The following BCL11B variants were observed in gnomAD, a reference collection of about 807,000 sequenced individuals.
The protein encoded by BCL11B is B-cell lymphoma/leukemia 11B.
BCL11B carries 8 observed loss-of-function variants against 49.9 expected under a neutral mutation model. The ratio of observed to expected loss-of-function variants is 0.16; its 90% CI spans 0.09 to 0.29. The LOEUF (loss-of-function observed/expected upper bound fraction) is 0.29. Ranked by LOEUF, BCL11B falls within the 10% of genes least tolerant of loss-of-function variation. The pLI is 1.00. For missense variants in BCL11B, 1,006 were observed against 1,351.0 expected, an observed-to-expected ratio of 0.74 and a Z score of 4.00; for synonymous variants, 739 against 637.4, an observed-to-expected ratio of 1.16 and a Z score of -2.40.
intron 2 of BCL11B, among the ~76,000 whole-genome samples, chr14:99,245,415 C>A (rs79680337): frequency 4.6e-5 from 7 of 152,366 alleles, no homozygotes; most frequent in African/African-American, 1.7e-4. Context: ...TTCTCCCACT[C>A]GGAAAGAAAC....
At chr14:99,191,114 A>T (rs1027196790) in intron 3 of BCL11B, among the ~76,000 whole-genome samples, 1 of 152,192 alleles carries the variant, frequency 6.6e-6, no homozygotes, top group African/African-American at 2.4e-5. Flanking sequence ...AGAAAAAAAC[A>T]GCCTAGGACA....
chr14:99,265,717 T>C (rs935482429), intron 1 of BCL11B, among the ~76,000 whole-genome samples: 3 of 152,214 alleles, frequency 2.0e-5, no homozygotes, highest in South Asian at 2.1e-4. Context: ...AAACATTAAA[T>C]GAAGTAGAGA....
In BCL11B at chr14:99,192,182, G is replaced by A. The variant is rs368132852; in HGVS notation, c.641-15987C>T. ...TGCAGCAGTGCTGGCTCCACTGGAC[G>A]GAATGCGTGTGTTTTGCTTGGCGGC... On this transcript the variant is annotated intron_variant, in intron 3 of 3. Transcript: ENST00000357195. The surrounding 1 kb of genome is among the most constrained non-coding windows in gnomAD (Gnocchi z 4.0). Among the ~76,000 whole-genome samples the A allele has an allele frequency of 5.3e-5, 8 of 152,166 alleles. No homozygotes were observed. The highest frequency in any genetic ancestry group is 3.9e-4 in the East Asian group (2 of 5,190).
intron 3 of BCL11B, among the ~76,000 whole-genome samples, chr14:99,223,935 G>A (rs1211862687): frequency 6.6e-6 from 1 of 152,190 alleles, no homozygotes; most frequent in East Asian, 1.9e-4. Context: ...TTTTCAAACA[G>A]AGAAAGGCGC....
At chr14:99,221,501 T>G (rs1271350516) in intron 3 of BCL11B, among the ~76,000 whole-genome samples, 2 of 152,236 alleles carry the variant, frequency 1.3e-5, no homozygotes, top group African/African-American at 4.8e-5. Context: ...GCTGGCCCAG[T>G]GGCAGCTCTG....
At position 99,171,633 on chromosome 14, in the gene BCL11B, A is replaced by G. The variant is rs559644108; in HGVS notation, c.*2518T>C. 4.9e-4 allele frequency: 104 copies of G among 210,716 alleles called. No homozygotes were observed. Among genetic ancestry groups the G allele is most frequent in the African/African-American group, 2.2e-3 (97 of 44,160 alleles). 13.1% of individuals were successfully genotyped at this position (210,716 alleles called of 1,614,324 possible). ...TGATTTTTTTTTTTTCTGCAAAGCA[A>G]TAACAATATTAAGCACTTTTTTTCT... On this transcript the variant is annotated 3_prime_UTR_variant, in exon 4 of 4. Coordinates refer to ENST00000357195, the MANE Select transcript of BCL11B (RefSeq NM_138576.4).
At chr14:99,177,467 T>C (rs1488827361) in intron 3 of BCL11B, among the ~76,000 whole-genome samples, 1 of 151,316 alleles carries the variant, frequency 6.6e-6, no homozygotes, top group Non-Finnish European at 1.5e-5. Context: ...CTCGCCGCTT[T>C]TCCAGTATGT....
chr14:99,206,941 T>C (rs2614471), intron 3 of BCL11B, among the ~76,000 whole-genome samples: 71,051 of 151,948 alleles, frequency 0.47, 17,317 homozygotes, highest in African/African-American at 0.6. Context: ...CTATCTGGTA[T>C]TTATCATAGA....
Position 99,199,700 on chromosome 14 carries a change from G to A in BCL11B, c.641-23505C>T, listed in dbSNP as rs575217919. 2.7e-4 allele frequency among the ~76,000 whole-genome samples: 17 copies of A among 62,074 alleles called. 1 individual carries two copies. The highest frequency in any genetic ancestry group is 5.8e-4 in the African/African-American group (14 of 24,160). The allele number at this position is 62,074 out of a possible 152,430, so 40.7% of individuals were successfully genotyped here. A position where few individuals can be genotyped will look rare whatever the true frequency, so the allele number is the denominator to read the frequency against. On this transcript the variant is annotated intron_variant, in intron 3 of 3. Coordinates refer to ENST00000357195, the MANE Select transcript of BCL11B (RefSeq NM_138576.4). ...TGTGTGTGTGCGCGCGCGCGCGCACGTGCACGTGTGTGCGTGTGTGCATGC... is the reference window on the plus strand; with the variant it reads ...TGTGTGTGTGCGCGCGCGCGCGCACATGCACGTGTGTGCGTGTGTGCATGC...
intron 3 of BCL11B, among the ~76,000 whole-genome samples, chr14:99,202,601 G>A (rs541392461): frequency 6.6e-6 from 1 of 152,356 alleles, no homozygotes; most frequent in South Asian, 2.1e-4. Context: ...GGACTCATGG[G>A]GATGGGAGGG....
At chr14:99,258,239 G>A (rs534966267) in intron 1 of BCL11B, among the ~76,000 whole-genome samples, 1 of 152,180 alleles carries the variant, frequency 6.6e-6, no homozygotes, top group East Asian at 1.9e-4. Flanking sequence ...GAATCACCTG[G>A]AGGGTTTGAA....
Position 99,231,634 on chromosome 14 carries a change from G to T in BCL11B, c.428-77C>A. ...AGGGGCACGGGGTGGGACGGGGCTC[G>T]GGGCGTGGGGCTCTGCTCAGGCCAC... is the stretch of plus-strand genomic sequence containing the variant. On this transcript the variant is annotated intron_variant, in intron 2 of 3. Coordinates refer to ENST00000357195, the MANE Select transcript of BCL11B (RefSeq NM_138576.4). This position sits in a 1 kb window ranked among gnomAD's most constrained non-coding sequence, Gnocchi z 8.1. 7.1e-7 allele frequency: 1 copy of T among 1,417,334 alleles called. No individual in the cohort carries two copies. The highest frequency in any genetic ancestry group is 9.6e-7 in the Non-Finnish European group (1 of 1,037,024). 87.8% of individuals were successfully genotyped at this position (1,417,334 alleles called of 1,614,324 possible).
rs1889673377 is a variant in BCL11B, at chr14:99,271,288, A to AGCCGCCGCCGCGCCGCTGCCGCCGCT, written c.-96_-71dup. Reference sequence around the variant, plus strand: ...GGGGGGAGCCGGGGGAGGGGGTCCGAGCCGCCGCCGCGCCGCTGCCGCCGC... The same window carrying AGCCGCCGCCGCGCCGCTGCCGCCGCT: ...GGGGGGAGCCGGGGGAGGGGGTCCGAGCCGCCGCCGCGCCGCTGCCGCCGCTGCCGCCGCCGCGCCGCTGCCGCCGC... On this transcript the variant is annotated 5_prime_UTR_variant, in exon 1 of 4. Transcript: ENST00000357195. 1 of 1,094,860 alleles carries AGCCGCCGCCGCGCCGCTGCCGCCGCT rather than the reference A, an allele frequency of 9.1e-7. No individual in the cohort carries two copies. The highest frequency in any genetic ancestry group is 4.6e-5 in the Admixed American group (1 of 21,610). The allele number at this position is 1,094,860 out of a possible 1,614,324, so 67.8% of individuals were successfully genotyped here.
chr14:99,222,256 T>TG (rs201592767), intron 3 of BCL11B, among the ~76,000 whole-genome samples: 1 of 104,508 alleles, frequency 9.6e-6, no homozygotes, highest in Non-Finnish European at 2.1e-5. Flanking sequence ...CGCTCCCCAG[T>TG]GGGGGAAAAA....
At chr14:99,265,832 G>A (rs1179631198) in intron 1 of BCL11B, among the ~76,000 whole-genome samples, 2 of 152,086 alleles carry the variant, frequency 1.3e-5, no homozygotes, top group Non-Finnish European at 2.9e-5. Flanking sequence ...TTCTCTTTCA[G>A]GTTAGAATAA....
chr14:99,244,118 C>T (rs1044067212), intron 2 of BCL11B, among the ~76,000 whole-genome samples: 9 of 152,136 alleles, frequency 5.9e-5, no homozygotes, highest in Non-Finnish European at 8.8e-5. Context: ...CCTTCCACCA[C>T]ACTGTCCAAG....
intron 3 of BCL11B, among the ~76,000 whole-genome samples, chr14:99,183,459 G>A (rs572030211): frequency 7.2e-4 from 110 of 152,152 alleles, no homozygotes; most frequent in African/African-American, 2.5e-3. Flanking sequence ...GCCAGCGGCC[G>A]AGACATCCGA....
intron 3 of BCL11B, among the ~76,000 whole-genome samples, chr14:99,203,880 T>TCG: frequency 6.6e-6 from 1 of 151,374 alleles, no homozygotes; most frequent in Non-Finnish European, 1.5e-5. Context: ...CGTGGCCTAG[T>TCG]CAATCTTATC....
At position 99,260,313 on chromosome 14, in the gene BCL11B, C is replaced by G. The variant is rs184476863; in HGVS notation, c.59-2474G>C. Among the ~76,000 whole-genome samples, 55 of 152,296 alleles carry G rather than the reference C, an allele frequency of 3.6e-4. 1 individual carries two copies. Among genetic ancestry groups the G allele is most frequent in the African/African-American group, 1.2e-3 (50 of 41,562 alleles). On this transcript the variant is annotated intron_variant, in intron 1 of 3. Coordinates refer to ENST00000357195, the MANE Select transcript of BCL11B (RefSeq NM_138576.4). ...AAGATTTGATAAAAACGTACAACGA[C>G]AAATCCACATGGCCAGCTGGACCGT...
Sources: gnomAD v4.1 joint callset for allele counts (sites outside exome capture counted in the v4.1 genomes callset) on GRCh38, gnomAD v4.1.1 for gene constraint, Gnocchi (gnomAD v3.1) non-coding constraint, MANE v1.5 for transcripts, NCBI Gene and HGNC (gene_info 2026-07-23, HGNC 2026-07-21) for gene names.